The following NOL8 variants were observed in gnomAD, a reference collection of about 807,000 sequenced individuals.
The protein encoded by NOL8 is nucleolar protein 8.
A neutral mutation model predicts 116.1 loss-of-function variants in NOL8; 93 were observed. The observed-to-expected ratio is 0.80, with a 90% CI of 0.68 to 0.95. The LOEUF is 0.95. Among genes scored for constraint, NOL8 ranks in the 40% least tolerant of loss-of-function variants. NOL8 has a pLI of 0.00. For missense variants in NOL8, 1,291 were observed against 1,382.8 expected (o/e 0.93, Z 1.05); for synonymous variants, 419 against 469.0 (o/e 0.89, Z 1.38).
chr9:92,310,233 G>A lies in NOL8; in HGVS notation c.2624C>T (p.Thr875Ile). 1.2e-6 allele frequency: 2 copies of A among 1,609,502 alleles called. No homozygotes were observed. The highest frequency in any genetic ancestry group is 1.3e-5 in the African/African-American group (1 of 74,950). The change falls in exon 10 of 17, where the codon ACC becomes ATC. Residue 875 changes from threonine to isoleucine, a missense_variant. Thr to Ile is a moderately conservative substitution (Grantham distance 89). Coordinates refer to ENST00000442668, the MANE Select transcript of NOL8 (RefSeq NM_017948.6). ...AGAGTCCATGCGGAATCTGTCATCG[G>A]TGCCAAAGTGCGACTGTAAATCCAT... Reference protein sequence around the residue: ...KLMDLQSHFGTDDRFRMDSRF... With the variant: ...KLMDLQSHFGIDDRFRMDSRF...
chr9:92,303,452 C>T (rs1456243853), intron 12 of NOL8, among the ~76,000 whole-genome samples: 2 of 152,112 alleles, frequency 1.3e-5, no homozygotes, highest in Non-Finnish European at 2.9e-5. Flanking sequence ...CGGCACACAG[C>T]CTTGCTCATT....
chr9:92,316,251 T>C, intron 6 of NOL8, 113 bp from the exon 7 acceptor site: 2 of 1,189,886 alleles, frequency 1.7e-6, no homozygotes, highest in Non-Finnish European at 2.3e-6. Flanking sequence ...CCCCTTTCAG[T>C]TTCCTGTAAA....
chr9:92,305,290 C>T (rs1020119389), intron 12 of NOL8, among the ~76,000 whole-genome samples: 2 of 152,018 alleles, frequency 1.3e-5, no homozygotes, highest in African/African-American at 4.8e-5. Flanking sequence ...AGTCTCAAGC[C>T]AAGGAACACC....
chr9:92,300,132 AATC>A lies in NOL8; in HGVS notation c.3176-119_3176-117del, dbSNP rs1837609198. The A allele has an allele frequency of 4.3e-6, 6 of 1,411,718 alleles. No individual in the cohort carries two copies. In the Admixed American group the frequency reaches 7.5e-5, roughly 18 times the overall value. The allele number at this position is 1,411,718 out of a possible 1,614,324, so 87.4% of individuals were successfully genotyped here. On this transcript the variant is annotated intron_variant, in intron 13 of 16. Transcript: ENST00000442668. ...GACATATCTAAAGTTCCAATATGTT[AATC>A]ATTAATTTAAAATAGTATCAAAAAA...
rs779545005 is a variant in NOL8, at chr9:92,316,036, CTTCT to C, written c.585_588del (p.Gly198MetfsTer4). ...TTCTTACTCATAGGGTCATTCCCTC[CTTCT>C]AATTCCCAAGTCAGGCTGGATATAG... On this transcript the variant is annotated frameshift_variant, in exon 7 of 17. Coordinates refer to ENST00000442668, the MANE Select transcript of NOL8 (RefSeq NM_017948.6). LOFTEE classifies it high-confidence loss of function. 1.9e-6 allele frequency: 3 copies of C among 1,613,928 alleles called. No individual in the cohort carries two copies. Among genetic ancestry groups the C allele is most frequent in the Non-Finnish European group, 2.5e-6 (3 of 1,179,866 alleles).
chr9:92,305,359 G>A (rs145949448), intron 12 of NOL8, among the ~76,000 whole-genome samples: 37 of 152,282 alleles, frequency 2.4e-4, no homozygotes, highest in African/African-American at 8.7e-4. Flanking sequence ...TTGTTTCCCT[G>A]AACCTCTAGA....
At chr9:92,310,061 A>T in intron 10 of NOL8, 110 bp downstream of exon 10, 1 of 725,154 alleles carries the variant, frequency 1.4e-6, no homozygotes, top group Admixed American at 2.6e-5. Flanking sequence ...TCCTCAATCC[A>T]ATGTCTTGGG....
At position 92,314,355 on chromosome 9, in the gene NOL8, T is replaced by C; in HGVS notation, c.2270A>G (p.Asp757Gly). ...DVSAKDKHAE[D>G]NEKRLAALEA... ...CAAGGCTGCCAAACGCTTCTCATTG[T>C]CTTCAGCATGCTTATCTTTAGCACT... The change falls in exon 7 of 17, where the codon GAC (aspartate) becomes GGC (glycine). Residue 757 changes from aspartate (D) to glycine (G), a missense_variant. Asp to Gly is a moderately conservative substitution (Grantham distance 94). Coordinates refer to ENST00000442668, the MANE Select transcript of NOL8 (RefSeq NM_017948.6). 6.2e-7 allele frequency: 1 copy of C among 1,612,918 alleles called. No homozygotes were observed. Among genetic ancestry groups the C allele is most frequent in the African/African-American group, 1.3e-5 (1 of 75,062 alleles).
intron 13 of NOL8, 63 bp downstream of exon 13, chr9:92,301,488 C>A: frequency 8.0e-7 from 1 of 1,247,228 alleles, no homozygotes; most frequent in Admixed American, 2.8e-5. Flanking sequence ...ACACTTAATG[C>A]AGATTCAATC....
intron 7 of NOL8, among the ~76,000 whole-genome samples, chr9:92,312,446 T>TAA (rs34116665): frequency 5.0e-4 from 29 of 57,556 alleles, no homozygotes; most frequent in Admixed American, 1.5e-3. Context: ...TGAGACCCTG[T>TAA]AAAAAAAAAA....
rs112520129 is a variant in NOL8, at chr9:92,322,300, G to A, written c.203-554C>T. 2.8e-4 allele frequency among the ~76,000 whole-genome samples: 43 copies of A among 152,238 alleles called. 1 individual carries two copies. The highest frequency in any genetic ancestry group is 7.7e-4 in the African/African-American group (32 of 41,538). On this transcript the variant is annotated intron_variant, in intron 3 of 16. Coordinates refer to ENST00000442668, the MANE Select transcript of NOL8 (RefSeq NM_017948.6). ...TAATTGATTTCTCTGAGCATCTGCC[G>A]TCAGCTTCCTTAATAATACCATTAA...
rs1320235074 is a variant in NOL8 at position 92,314,354 on chromosome 9, G to A, written c.2271C>T (p.Asp757=). Residue 757 remains aspartate (D), a synonymous_variant, in exon 7 of 17, where the codon GAC becomes GAT. Transcript: ENST00000442668. ...DVSAKDKHAE[D]NEKRLAALEA... ...CCAAGGCTGCCAAACGCTTCTCATT[G>A]TCTTCAGCATGCTTATCTTTAGCAC... 1 of 1,612,534 alleles carries A rather than the reference G, an allele frequency of 6.2e-7. No homozygotes were observed. Among genetic ancestry groups the A allele is most frequent in the Admixed American group, 1.7e-5 (1 of 59,950 alleles).
In NOL8 at chr9:92,314,811, T is replaced by C. The variant is rs761535976; in HGVS notation, c.1814A>G (p.His605Arg). ...SNNKDQNSMK[H>R]EDPSIISMED... ...CATGGATATGATACTGGGATCCTCA[T>C]GTTTCATGGAATTCTGATCTTTATT... The change falls in exon 7 of 17, where the codon CAT (histidine) becomes CGT (arginine). Residue 605 changes from histidine to arginine, a missense_variant. By Grantham distance (29) the His-to-Arg change is conservative (BLOSUM62 0). Coordinates refer to ENST00000442668, the MANE Select transcript of NOL8 (RefSeq NM_017948.6). 3 of 1,613,548 alleles carry C rather than the reference T, an allele frequency of 1.9e-6. No individual in the cohort carries two copies. The highest frequency in any genetic ancestry group is 2.5e-6 in the Non-Finnish European group (3 of 1,179,738).
rs1255677803 is a variant in NOL8, at chr9:92,311,144, A to T, written c.2472+2T>A. ...TCCACAGAGACATCCTGAACTTCTT[A>T]CTTTCACCCATTCCTCTCCTGGATG... On this transcript the variant is annotated splice_donor_variant, in intron 8 of 16. Coordinates refer to ENST00000442668, the MANE Select transcript of NOL8 (RefSeq NM_017948.6). LOFTEE classifies it high-confidence loss of function. 1 of 1,607,190 alleles carries T rather than the reference A, an allele frequency of 6.2e-7. No homozygotes were observed. The highest frequency in any genetic ancestry group is 2.2e-5 in the East Asian group (1 of 44,838).
Position 92,310,630 on chromosome 9 carries a change from C to G in NOL8, c.2518G>C (p.Asp840His). The G allele has an allele frequency of 6.2e-7, 1 of 1,612,892 alleles. No individual in the cohort carries two copies. Among genetic ancestry groups the G allele is most frequent in the Non-Finnish European group, 8.5e-7 (1 of 1,179,466 alleles). Residue 840 changes from aspartate (D) to histidine (H), a missense_variant, in exon 9 of 17, where the codon GAT becomes CAT. Transcript: ENST00000442668. ...TSGKLFDSSDDDESDSEDDSN... is the reference protein window; with the variant it reads ...TSGKLFDSSDHDESDSEDDSN... ...TCATCTTCAGAATCAGATTCGTCAT[C>G]ATCACTGCTATCAAACAGCTTCCCT...
At chr9:92,321,466 A>T (rs959880400) in intron 4 of NOL8, among the ~76,000 whole-genome samples, 3 of 152,216 alleles carry the variant, frequency 2.0e-5, no homozygotes, top group Non-Finnish European at 4.4e-5. Flanking sequence ...AGCTTATTAC[A>T]TACATACGTA....
chr9:92,323,407 G>A (rs751182360), intron 3 of NOL8, 34 bp downstream of exon 3: 28 of 1,570,038 alleles, frequency 1.8e-5, no homozygotes, highest in Non-Finnish European at 6.9e-6. Context: ...CATACAAACT[G>A]GCAAACAGTA....
At position 92,318,597 on chromosome 9, in the gene NOL8, T is replaced by C. The variant is rs3737147; in HGVS notation, c.486+21A>G. On this transcript the variant is annotated intron_variant, in intron 6 of 16. Transcript: ENST00000442668. The stretch of plus-strand genomic sequence containing the variant: ...TATCCGTCACTGTGGTAAATAATTA[T>C]GTTGAGAGGCCAAAGGATATTTTAC... The C allele has an allele frequency of 0.046, 71,111 of 1,531,104 alleles. 2,166 individuals carry two copies. The highest frequency in any genetic ancestry group is 0.13 in the African/African-American group (9,451 of 72,644). 94.8% of individuals were successfully genotyped at this position (1,531,104 alleles called of 1,614,324 possible). A position where few individuals can be genotyped will look rare whatever the true frequency, so the allele number is the denominator to read the frequency against.
Position 92,298,961 on chromosome 9 carries a change from A to C in NOL8, c.3303-7T>G, listed in dbSNP as rs546987365. ...CTCAAGTAATGATGCTTCTCTGAAA[A>C]GAAAGGGACAAAGGAGAGAGAAAAA... On this transcript the variant is annotated splice_region_variant and splice_polypyrimidine_tract_variant and intron_variant, in intron 14 of 16. Coordinates refer to ENST00000442668, the MANE Select transcript of NOL8 (RefSeq NM_017948.6). 52 of 1,504,808 alleles carry C rather than the reference A, an allele frequency of 3.5e-5. 1 individual carries two copies. In the South Asian group the frequency reaches 6.3e-4, roughly 18 times the overall value. 93.2% of individuals were successfully genotyped at this position (1,504,808 alleles called of 1,614,324 possible).
Sources: gnomAD v4.1 joint callset for allele counts (sites outside exome capture counted in the v4.1 genomes callset) on GRCh38, gnomAD v4.1.1 for gene constraint, MANE v1.5 for transcripts, NCBI Gene and HGNC (gene_info 2026-07-23, HGNC 2026-07-21) for gene names.